Variants in CERKL observed in about 807,000 individuals in gnomAD.
The protein encoded by CERKL is ceramide kinase-like protein.
In CERKL, 61 loss-of-function variants were observed where a neutral mutation model predicts 63.4. That is an observed-to-expected ratio of 0.96 (90% CI 0.78 to 1.19). The LOEUF (loss-of-function observed/expected upper bound fraction) is 1.19, where lower values mean the gene tolerates loss of function less well. CERKL is among the 50% of genes most tolerant of loss of function. The pLI is 0.00. For missense variants in CERKL, 675 were observed against 655.5 expected, an observed-to-expected ratio of 1.03 and a Z score of -0.33; for synonymous variants, 250 against 230.5, an observed-to-expected ratio of 1.08 and a Z score of -0.77.
intron 1 of CERKL, among the ~76,000 whole-genome samples, chr2:181,621,004 A>G (rs1265185345): frequency 1.3e-5 from 2 of 152,232 alleles, no homozygotes; most frequent in Admixed American, 1.3e-4. Context: ...CAAGTTAACA[A>G]CATTCAAGAC....
chr2:181,600,305 G>T (rs1685403417), intron 2 of CERKL, among the ~76,000 whole-genome samples: 1 of 152,094 alleles, frequency 6.6e-6, no homozygotes, highest in Non-Finnish European at 1.5e-5. Context: ...ATTCAAACTA[G>T]AAAGCAACTA....
rs182015249 is a variant in CERKL, at chr2:181,654,542, C to T, written c.238+2227G>A. 1.3e-5 allele frequency among the ~76,000 whole-genome samples: 2 copies of T among 152,258 alleles called. 1 individual carries two copies. Among genetic ancestry groups the T allele is most frequent in the Admixed American group, 1.3e-4 (2 of 15,282 alleles). ...GTTCTAATAATCTCCAGTGATCTCC[C>T]CTACCCACCCTCATCCTTTTCTGAG... On this transcript the variant is annotated intron_variant, in intron 1 of 12. Coordinates refer to ENST00000410087, the MANE Select transcript of CERKL (RefSeq NM_201548.5).
At chr2:181,576,963 A>T (rs59907982) in intron 2 of CERKL, among the ~76,000 whole-genome samples, 55,413 of 152,058 alleles carry the variant, frequency 0.36, 10,432 homozygotes, top group African/African-American at 0.44. Flanking sequence ...GACAATAACA[A>T]GATCTAAGGA....
At chr2:181,604,281 C>A (rs965495729) in intron 1 of CERKL, among the ~76,000 whole-genome samples, 2 of 151,960 alleles carry the variant, frequency 1.3e-5, no homozygotes, top group Non-Finnish European at 2.9e-5. Flanking sequence ...ATATAACAAA[C>A]CTGCACGTGT....
At chr2:181,621,385 T>C (rs1686441702) in intron 1 of CERKL, among the ~76,000 whole-genome samples, 1 of 152,224 alleles carries the variant, frequency 6.6e-6, no homozygotes, top group African/African-American at 2.4e-5. Flanking sequence ...ACATGAAATA[T>C]GATACCCTAC....
intron 1 of CERKL, among the ~76,000 whole-genome samples, chr2:181,622,635 T>C (rs1449332952): frequency 6.6e-6 from 1 of 152,120 alleles, no homozygotes; most frequent in Admixed American, 6.5e-5. Context: ...AAAACAAAAA[T>C]GATTGAAGGA....
At chr2:181,584,296 G>A (rs1415120529) in intron 2 of CERKL, among the ~76,000 whole-genome samples, 1 of 151,982 alleles carries the variant, frequency 6.6e-6, no homozygotes, top group Non-Finnish European at 1.5e-5. Flanking sequence ...AGGAATGCTT[G>A]AGGCCAGGAG....
intron 1 of CERKL, among the ~76,000 whole-genome samples, chr2:181,646,208 G>C (rs915543059): frequency 2.6e-5 from 4 of 152,124 alleles, no homozygotes; most frequent in Non-Finnish European, 5.9e-5. Context: ...AGTGAGTAAG[G>C]GACAGTGAGG....
chr2:181,629,547 T>C (rs899656666), intron 1 of CERKL, among the ~76,000 whole-genome samples: 1 of 152,058 alleles, frequency 6.6e-6, no homozygotes, highest in African/African-American at 2.4e-5. Context: ...AAACACTGAT[T>C]TCAGTACCAA....
intron 1 of CERKL, among the ~76,000 whole-genome samples, chr2:181,653,303 G>A (rs552846549): frequency 1.4e-4 from 22 of 152,308 alleles, no homozygotes; most frequent in Admixed American, 5.2e-4. Flanking sequence ...CTTACACACC[G>A]GTGGTATGAT....
chr2:181,617,866 G>C (rs946460012), intron 1 of CERKL, among the ~76,000 whole-genome samples: 2 of 152,134 alleles, frequency 1.3e-5, no homozygotes. Context: ...ACAATTATCT[G>C]AACATATTAA....
intron 1 of CERKL, among the ~76,000 whole-genome samples, chr2:181,609,385 G>C (rs1289771632): frequency 6.6e-6 from 1 of 150,680 alleles, no homozygotes; most frequent in Non-Finnish European, 1.5e-5. Context: ...ATATATTACA[G>C]TAAGAAAATG....
intron 4 of CERKL, among the ~76,000 whole-genome samples, chr2:181,561,973 C>A (rs1444465064): frequency 1.3e-5 from 2 of 151,930 alleles, no homozygotes; most frequent in Non-Finnish European, 2.9e-5. Context: ...ACCATCACAC[C>A]CGGCTAATTT....
At chr2:181,548,286 G>GAAAA in intron 8 of CERKL, 2 of 539,742 alleles carry the variant, frequency 3.7e-6, no homozygotes, top group South Asian at 5.0e-5. Flanking sequence ...GGAAAGAAAG[G>GAAAA]GGAAGGGAAG....
intron 4 of CERKL, among the ~76,000 whole-genome samples, chr2:181,564,902 C>T (rs1275534197): frequency 6.6e-6 from 1 of 152,072 alleles, no homozygotes; most frequent in East Asian, 1.9e-4. Context: ...TTTTTGTCTA[C>T]CTCTAAGTAT....
At chr2:181,585,928 C>A (rs1442752691) in intron 2 of CERKL, among the ~76,000 whole-genome samples, 3 of 152,146 alleles carry the variant, frequency 2.0e-5, no homozygotes, top group South Asian at 4.1e-4. Context: ...TGCTGTCTCT[C>A]ATCCCCATCG....
At chr2:181,572,054 C>A (rs1688924482) in intron 3 of CERKL, among the ~76,000 whole-genome samples, 1 of 152,076 alleles carries the variant, frequency 6.6e-6, no homozygotes, top group Admixed American at 6.6e-5. Context: ...AGTTATGGCA[C>A]AAACTCTCCA....
chr2:181,559,827 C>A (rs905738921), intron 4 of CERKL, among the ~76,000 whole-genome samples: 1 of 152,144 alleles, frequency 6.6e-6, no homozygotes, highest in Non-Finnish European at 1.5e-5. Flanking sequence ...ATCTTTCTCT[C>A]GGCCATCTAT....
chr2:181,656,903 G>A lies in CERKL; in HGVS notation c.104C>T (p.Ser35Phe), dbSNP rs1237603343. 1.9e-6 allele frequency: 3 copies of A among 1,604,070 alleles called. No homozygotes were observed. Among genetic ancestry groups the A allele is most frequent in the East Asian group, 4.5e-5 (2 of 44,438 alleles). Reference sequence around the variant, plus strand: ...GGCCGCCGCCTCCGTCTGCTGCGGGGACGTTAACAGCGCCGGAGGCACAGC... The same window carrying A: ...GGCCGCCGCCTCCGTCTGCTGCGGGAACGTTAACAGCGCCGGAGGCACAGC... ...AAAVPPALLT[S>F]PQQTEAAAER... Residue 35 changes from serine (S) to phenylalanine (F), a missense_variant, in exon 1 of 13, where the codon TCC becomes TTC. By Grantham distance (155) the Ser-to-Phe change is radical (BLOSUM62 -2). Coordinates refer to ENST00000410087, the MANE Select transcript of CERKL (RefSeq NM_201548.5).
Sources: gnomAD v4.1 joint callset for allele counts (sites outside exome capture counted in the v4.1 genomes callset) on GRCh38, gnomAD v4.1.1 for gene constraint, MANE v1.5 for transcripts, NCBI Gene and HGNC (gene_info 2026-07-23, HGNC 2026-07-21) for gene names.